CTNNA3: variants seen among roughly 807,000 people sequenced by gnomAD.
CTNNA3 encodes the protein catenin alpha-3.
CTNNA3 carries 76 observed loss-of-function variants against 95.7 expected under a neutral mutation model. That is an observed-to-expected ratio of 0.79 (90% CI 0.66 to 0.96). The LOEUF (loss-of-function observed/expected upper bound fraction) is 0.96. Among genes scored for constraint, CTNNA3 ranks in the 40% least tolerant of loss-of-function variants. The pLI is 0.00. For missense variants in CTNNA3, 1,191 were observed against 1,089.8 expected (o/e 1.09, Z -1.31); for synonymous variants, 431 against 374.4 (o/e 1.15, Z -1.74).
In CTNNA3 at chr10:67,726,615, T is replaced by C. The variant is rs1841228203; in HGVS notation, c.-2+36819A>G. On this transcript the variant is annotated intron_variant, in intron 1 of 17. Coordinates refer to the CTNNA3 transcript ENST00000684154. ...ATATTATATTACATATTATATAATATATAATATATATTATATTATATATAA... is the reference window on the plus strand; with the variant it reads ...ATATTATATTACATATTATATAATACATAATATATATTATATTATATATAA... Among the ~76,000 whole-genome samples, 5 of 32,698 alleles carry C rather than the reference T, an allele frequency of 1.5e-4. No individual in the cohort carries two copies. The Admixed American group carries it at 1.9e-3, about 13-fold the overall frequency. The allele number at this position is 32,698 out of a possible 152,430, so 21.5% of individuals were successfully genotyped here. A position where few individuals can be genotyped will look rare whatever the true frequency, so the allele number is the denominator to read the frequency against.
intron 13 of CTNNA3, among the ~76,000 whole-genome samples, chr10:66,104,505 G>A (rs903386216): frequency 6.6e-6 from 1 of 152,244 alleles, no homozygotes; most frequent in East Asian, 1.9e-4. Flanking sequence ...CAGATGAAAT[G>A]CATGAATGTG....
At chr10:65,985,214 C>G (rs755314634) in intron 16 of CTNNA3, among the ~76,000 whole-genome samples, 1 of 150,862 alleles carries the variant, frequency 6.6e-6, no homozygotes, top group Non-Finnish European at 1.5e-5. Flanking sequence ...GCCCAAAAAC[C>G]TTTCCCTAAT....
intron 2 of CTNNA3, among the ~76,000 whole-genome samples, chr10:67,631,492 T>C (rs2133437382): frequency 6.6e-6 from 1 of 152,286 alleles, no homozygotes; most frequent in East Asian, 1.9e-4. Flanking sequence ...TGATAAGTAA[T>C]TTCTGTGGAA....
chr10:66,678,689 G>A (rs1300208534), intron 9 of CTNNA3, among the ~76,000 whole-genome samples: 2 of 152,126 alleles, frequency 1.3e-5, no homozygotes, highest in African/African-American at 4.8e-5. Flanking sequence ...GGCTTAGTCA[G>A]CTCACTGAAC....
At chr10:65,956,568 A>G (rs1344622587) in intron 17 of CTNNA3, among the ~76,000 whole-genome samples, 5 of 152,156 alleles carry the variant, frequency 3.3e-5, no homozygotes, top group Non-Finnish European at 7.3e-5. Context: ...AATGTGTCCC[A>G]GAGATTCTGG....
intron 5 of CTNNA3, among the ~76,000 whole-genome samples, chr10:67,487,702 A>G (rs1295283579): frequency 6.6e-6 from 1 of 152,208 alleles, no homozygotes; most frequent in African/African-American, 2.4e-5. Flanking sequence ...AGAGCTGTAC[A>G]TATAACTGAT....
intron 7 of CTNNA3, among the ~76,000 whole-genome samples, chr10:66,983,484 A>T (rs1850561662): frequency 6.6e-6 from 1 of 152,304 alleles, no homozygotes; most frequent in Admixed American, 6.5e-5. Flanking sequence ...TATAAAATAC[A>T]GAAGGACTGC....
intron 8 of CTNNA3, among the ~76,000 whole-genome samples, chr10:66,770,852 TTAAC>T (rs1365007508): frequency 2.4e-4 from 1 of 4,116 alleles, no homozygotes; most frequent in Non-Finnish European, 3.6e-4. Context: ...TTTTAATAAA[TTAAC>T]AGTATTTAAA....
rs373595772 is a variant in CTNNA3, at chr10:66,329,711, T to C, written c.1733-49090A>G. On this transcript the variant is annotated intron_variant, in intron 12 of 17. Transcript: ENST00000433211. ...GCTGGACGAGAAAAATTTAATACTT[T>C]TTTTTCTCACAGAAATAGAGTTATA... is the stretch of plus-strand genomic sequence containing the variant. Among the ~76,000 whole-genome samples, 68 of 152,252 alleles carry C rather than the reference T, an allele frequency of 4.5e-4. 1 individual carries two copies. The South Asian group carries it at 0.014, about 31-fold the overall frequency.
At chr10:66,647,873 C>T (rs147760561) in intron 9 of CTNNA3, among the ~76,000 whole-genome samples, 1 of 151,940 alleles carries the variant, frequency 6.6e-6, no homozygotes, top group African/African-American at 2.4e-5. Flanking sequence ...GAAGCATATG[C>T]TATCAAAAAA....
Position 67,728,412 on chromosome 10 carries a change from T to C in CTNNA3, c.-2+35022A>G, listed in dbSNP as rs75614214. Reference sequence around the variant, plus strand: ...AGGTTATATATATATACATAATATATACTATATGTATGTATATATGTATAT... The same window carrying C: ...AGGTTATATATATATACATAATATACACTATATGTATGTATATATGTATAT... On this transcript the variant is annotated intron_variant, in intron 1 of 17. Coordinates refer to the CTNNA3 transcript ENST00000684154. Among the ~76,000 whole-genome samples the C allele has an allele frequency of 0.033, 4,914 of 148,880 alleles. 594 individuals are homozygous for C. In the East Asian group the frequency reaches 0.44, roughly 13 times the overall value.
At chr10:66,393,220 G>A (rs1564923288) in intron 11 of CTNNA3, among the ~76,000 whole-genome samples, 1 of 152,072 alleles carries the variant, frequency 6.6e-6, no homozygotes, top group Non-Finnish European at 1.5e-5. Context: ...CCTAGGGAGG[G>A]TAAAATGTAT....
At position 66,431,018 on chromosome 10, in the gene CTNNA3, A is replaced by C. The variant is rs191942589; in HGVS notation, c.1532-51666T>G. Among the ~76,000 whole-genome samples the C allele has an allele frequency of 2.1e-3, 320 of 152,098 alleles. 7 individuals are homozygous for C. Among genetic ancestry groups the C allele is most frequent in the Admixed American group, 0.02 (307 of 15,280 alleles). ...CAAACTACTCATCTGACAAAGGGCT[A>C]ATATCCAGAATCCACAAAGAACTCA... On this transcript the variant is annotated intron_variant, in intron 11 of 17. Transcript: ENST00000433211.
chr10:66,442,898 C>T (rs2089396), intron 11 of CTNNA3, among the ~76,000 whole-genome samples: 58,133 of 152,050 alleles, frequency 0.38, 11,687 homozygotes, highest in African/African-American at 0.5. Flanking sequence ...AGGGGGTTCC[C>T]TTTCCTAGTC....
At chr10:66,968,909 G>C (rs985287367) in intron 7 of CTNNA3, among the ~76,000 whole-genome samples, 4 of 151,898 alleles carry the variant, frequency 2.6e-5, no homozygotes, top group African/African-American at 9.7e-5. Flanking sequence ...CCTAGCTGCT[G>C]GGGGCGCTGA....
At chr10:66,763,377 G>C (rs1839698365) in intron 9 of CTNNA3, among the ~76,000 whole-genome samples, 1 of 151,180 alleles carries the variant, frequency 6.6e-6, no homozygotes, top group South Asian at 2.1e-4. Context: ...AAGAGAGAAA[G>C]AGAGAGAGAG....
intron 5 of CTNNA3, among the ~76,000 whole-genome samples, chr10:67,390,496 T>C (rs1405209061): frequency 6.6e-6 from 1 of 152,096 alleles, no homozygotes; most frequent in African/African-American, 2.4e-5. Flanking sequence ...ACTGGTACCA[T>C]TCCTACTGAA....
intron 7 of CTNNA3, among the ~76,000 whole-genome samples, chr10:66,834,682 T>C (rs1254246111): frequency 6.6e-6 from 1 of 152,170 alleles, no homozygotes; most frequent in Non-Finnish European, 1.5e-5. Flanking sequence ...ATTCTAAGCG[T>C]TCATGAAAAA....
At chr10:66,868,750 C>CAA (rs34594360) in intron 7 of CTNNA3, among the ~76,000 whole-genome samples, 11 of 130,492 alleles carry the variant, frequency 8.4e-5, no homozygotes, top group Non-Finnish European at 9.9e-5. Context: ...GACTCCGTCT[C>CAA]AAAAAAAAAA....
Sources: gnomAD v4.1 joint callset for allele counts (sites outside exome capture counted in the v4.1 genomes callset) on GRCh38, gnomAD v4.1.1 for gene constraint, MANE v1.5 for transcripts, NCBI Gene and HGNC (gene_info 2026-07-23, HGNC 2026-07-21) for gene names.